SLC4A4: variants seen among roughly 807,000 people sequenced by gnomAD.
SLC4A4 encodes the protein solute carrier family 4 member 4.
A neutral mutation model predicts 111.5 loss-of-function variants in SLC4A4; 27 were observed. That is an observed-to-expected ratio of 0.24 (90% CI 0.18 to 0.33). The LOEUF (loss-of-function observed/expected upper bound fraction) is 0.33. Among genes scored for constraint, SLC4A4 ranks in the 10% least tolerant of loss-of-function variants. The pLI is 1.00. For missense variants in SLC4A4, 909 were observed against 1,315.5 expected (o/e 0.69, Z 4.78); for synonymous variants, 443 against 463.4 (o/e 0.96, Z 0.57).
intron 2 of SLC4A4, among the ~76,000 whole-genome samples, chr4:71,159,994 CATA>C (rs1413418678): frequency 3.7e-4 from 57 of 152,140 alleles, no homozygotes; most frequent in Non-Finnish European, 1.9e-4. Flanking sequence ...TGGAATCTGT[CATA>C]ATAATACCTA....
At chr4:71,453,840 T>C (rs1725979202) in intron 12 of SLC4A4, among the ~76,000 whole-genome samples, 171 bp downstream of exon 12, 1 of 152,194 alleles carries the variant, frequency 6.6e-6, no homozygotes, top group South Asian at 2.1e-4. Context: ...TCCAGCATTT[T>C]AGTAATTATA....
chr4:71,344,083 A>G (rs1170173361), intron 4 of SLC4A4, among the ~76,000 whole-genome samples: 2 of 152,046 alleles, frequency 1.3e-5, no homozygotes, highest in South Asian at 2.1e-4. Context: ...ATCATTTAGC[A>G]TACCATATAT....
At chr4:71,518,186 C>T (rs900615274) in intron 16 of SLC4A4, among the ~76,000 whole-genome samples, 4 of 152,010 alleles carry the variant, frequency 2.6e-5, no homozygotes, top group Admixed American at 2.0e-4. Context: ...TGGTCTGGTG[C>T]CTGTGGCTGT....
At chr4:71,488,310 C>A (rs1729604394) in intron 15 of SLC4A4, among the ~76,000 whole-genome samples, 1 of 151,314 alleles carries the variant, frequency 6.6e-6, no homozygotes, top group Non-Finnish European at 1.5e-5. Flanking sequence ...AATTAATGAA[C>A]TTTTAAGCCC....
intron 1 of SLC4A4, among the ~76,000 whole-genome samples, chr4:71,080,926 T>C (rs911668511): frequency 1.3e-5 from 2 of 152,098 alleles, no homozygotes; most frequent in Non-Finnish European, 2.9e-5. Flanking sequence ...ACAAAATACA[T>C]AAGTGGAAAT....
In SLC4A4 at chr4:71,555,120, A is replaced by G. The variant is rs890796041; in HGVS notation, c.2695-20A>G. ...TTTCTTGTTATCATTTTTAAGTTGT[A>G]TCCATTTTTTTCCTTCTAGTTTATA... On this transcript the variant is annotated intron_variant, in intron 20 of 25. Transcript: ENST00000264485. 1 of 1,538,406 alleles carries G rather than the reference A, an allele frequency of 6.5e-7. No individual in the cohort carries two copies. The highest frequency in any genetic ancestry group is 1.4e-5 in the African/African-American group (1 of 73,308).
intron 1 of SLC4A4, among the ~76,000 whole-genome samples, chr4:71,221,330 T>C (rs1051398003): frequency 2.6e-5 from 4 of 152,176 alleles, no homozygotes; most frequent in African/African-American, 9.7e-5. Context: ...TGTTTTTAAA[T>C]TGGGATGTAA....
intron 2 of SLC4A4, among the ~76,000 whole-genome samples, chr4:71,105,515 G>C (rs371781955): frequency 0.032 from 4,731 of 148,312 alleles, 98 homozygotes; most frequent in African/African-American, 0.055. Flanking sequence ...TACCTGACTT[G>C]AAACTATACT....
intron 3 of SLC4A4, among the ~76,000 whole-genome samples, chr4:71,301,952 A>G (rs890533550): frequency 6.6e-6 from 1 of 152,232 alleles, no homozygotes; most frequent in Non-Finnish European, 1.5e-5. Flanking sequence ...AGCACTTTCT[A>G]TAAGTCAAAA....
intron 1 of SLC4A4, among the ~76,000 whole-genome samples, chr4:71,084,783 TTTTC>T (rs1332587527): frequency 2.6e-5 from 4 of 152,088 alleles, no homozygotes; most frequent in African/African-American, 9.7e-5. Context: ...ATGTGCCACA[TTTTC>T]TTAATCCAGT....
At chr4:71,325,235 G>T (rs1414401442) in intron 3 of SLC4A4, among the ~76,000 whole-genome samples, 1 of 151,562 alleles carries the variant, frequency 6.6e-6, no homozygotes, top group Non-Finnish European at 1.5e-5. Flanking sequence ...CCAAAACTTG[G>T]ATTCCATTAA....
At chr4:71,323,165 G>A (rs1727249888) in intron 3 of SLC4A4, among the ~76,000 whole-genome samples, 1 of 151,918 alleles carries the variant, frequency 6.6e-6, no homozygotes, top group African/African-American at 2.4e-5. Flanking sequence ...TAATTGGCTT[G>A]TTTTCCTTAT....
intron 6 of SLC4A4, among the ~76,000 whole-genome samples, chr4:71,364,303 A>G (rs1372576874): frequency 6.6e-6 from 1 of 152,180 alleles, no homozygotes; most frequent in African/African-American, 2.4e-5. Context: ...TATATCTGTA[A>G]AATAAGGGTA....
chr4:71,466,974 A>G (rs6816451), intron 13 of SLC4A4, among the ~76,000 whole-genome samples: 45 of 103,934 alleles, frequency 4.3e-4, no homozygotes, highest in African/African-American at 1.4e-3. Context: ...AGGGAGAGAG[A>G]GAGAGGTCTG....
intron 15 of SLC4A4, among the ~76,000 whole-genome samples, chr4:71,491,764 T>A (rs929635898): frequency 2.6e-5 from 4 of 151,842 alleles, no homozygotes; most frequent in African/African-American, 4.8e-5. Context: ...AATGTTTTGA[T>A]CTTTATTTAG....
intron 16 of SLC4A4, among the ~76,000 whole-genome samples, chr4:71,525,075 G>A (rs1407223169): frequency 1.3e-5 from 2 of 152,104 alleles, no homozygotes; most frequent in Non-Finnish European, 2.9e-5. Context: ...CACTGTTAGT[G>A]TCTCTATGAT....
In SLC4A4 at chr4:71,339,472, A is replaced by T; in HGVS notation, c.356A>T (p.Asp119Val). 6.2e-7 allele frequency: 1 copy of T among 1,613,916 alleles called. No individual in the cohort carries two copies. ...FTELDELLAV[D>V]GQEMEWKETA... ...GAACTGGATGAGCTGCTGGCCGTGG[A>T]TGGGCAGGAGATGGAGTGGAAGGAA... The change falls in exon 4 of 26, where the codon GAT (aspartate) becomes GTT (valine). Residue 119 changes from aspartate (D) to valine (V), a missense_variant. Transcript: ENST00000264485.
intron 2 of SLC4A4, among the ~76,000 whole-genome samples, chr4:71,142,154 G>A (rs1006995609): frequency 1.3e-5 from 2 of 152,168 alleles, no homozygotes; most frequent in African/African-American, 4.8e-5. Flanking sequence ...TCTATAATTA[G>A]ACCTAATTCA....
chr4:71,463,901 C>A (rs959759960), intron 12 of SLC4A4, among the ~76,000 whole-genome samples: 1 of 152,146 alleles, frequency 6.6e-6, no homozygotes, highest in Non-Finnish European at 1.5e-5. Context: ...GCAAAAATCT[C>A]TTCTTTTGTA....
Sources: allele counts gnomAD v4.1 joint callset (sites outside exome capture counted in the v4.1 genomes callset), GRCh38; gene constraint gnomAD v4.1.1; transcripts MANE v1.5; gene names NCBI Gene and HGNC (gene_info 2026-07-23, HGNC 2026-07-21).